XPR1: variants seen among roughly 807,000 people sequenced by gnomAD.
The protein encoded by XPR1 is xenotropic and polytropic retrovirus receptor 1.
In XPR1, 28 loss-of-function variants were observed where a neutral mutation model predicts 87.5. The observed-to-expected ratio is 0.32, with a 90% CI of 0.24 to 0.44. The LOEUF (loss-of-function observed/expected upper bound fraction) is 0.44, where lower values mean the gene tolerates loss of function less well. XPR1 is among the 20% of genes least tolerant of loss of function. The pLI, the probability that XPR1 is intolerant of heterozygous loss-of-function variation, is 1.00. For missense variants in XPR1, 559 were observed against 862.3 expected (o/e 0.65, Z 4.41); for synonymous variants, 300 against 306.1 (o/e 0.98, Z 0.21).
intron 2 of XPR1, among the ~76,000 whole-genome samples, chr1:180,707,677 A>G (rs1000671686): frequency 1.3e-5 from 2 of 152,080 alleles, no homozygotes; most frequent in Non-Finnish European, 2.9e-5. Context: ...CTTTACTGCA[A>G]CTCTCCAGAA....
chr1:180,861,446 C>T (rs537545216), intron 11 of XPR1, among the ~76,000 whole-genome samples: 1 of 152,084 alleles, frequency 6.6e-6, no homozygotes, highest in East Asian at 1.9e-4. Context: ...CAGCTAGACC[C>T]TATATCTGCA....
At chr1:180,750,175 A>G (rs1179407061) in intron 2 of XPR1, among the ~76,000 whole-genome samples, 1 of 151,904 alleles carries the variant, frequency 6.6e-6, no homozygotes, top group Non-Finnish European at 1.5e-5. Flanking sequence ...CTCCTTTCTC[A>G]TGTTAATAAG....
intron 13 of XPR1, among the ~76,000 whole-genome samples, chr1:180,875,081 A>C (rs958247550): frequency 2.0e-5 from 3 of 152,206 alleles, no homozygotes; most frequent in African/African-American, 7.2e-5. Context: ...TTAACCTTAC[A>C]CTGTGCCATA....
chr1:180,694,722 TTA>T (rs2101961717), intron 2 of XPR1, among the ~76,000 whole-genome samples: 1 of 151,966 alleles, frequency 6.6e-6, no homozygotes, highest in East Asian at 1.9e-4. Flanking sequence ...GCTTTAACCA[TTA>T]TCAGTGAAGG....
chr1:180,798,645 T>C (rs1649674107), intron 3 of XPR1, among the ~76,000 whole-genome samples: 2 of 152,146 alleles, frequency 1.3e-5, no homozygotes, highest in African/African-American at 4.8e-5. Context: ...ACAGTCTCAC[T>C]CTGTCACCCA....
At chr1:180,827,382 G>A (rs1009016689) in intron 9 of XPR1, among the ~76,000 whole-genome samples, 1 of 152,096 alleles carries the variant, frequency 6.6e-6, no homozygotes, top group African/African-American at 2.4e-5. Context: ...ATATAGTTGT[G>A]TACATTGTGT....
Position 180,803,445 on chromosome 1 carries a change from C to T in XPR1, c.281C>T (p.Ser94Leu). ...FATLQNELQS[S>L]LDAQKESTGV... ...ACACTTCAGAATGAGCTTCAGTCAT[C>T]ACTGGATGCACAGAAAGAAAGCACT... Residue 94 changes from serine (S) to leucine (L), a missense_variant, in exon 4 of 15, where the codon TCA (serine) becomes TTA (leucine). Ser to Leu is a moderately radical substitution (Grantham distance 145). Coordinates refer to ENST00000367590, the MANE Select transcript of XPR1 (RefSeq NM_004736.4). The T allele has an allele frequency of 1.2e-6, 2 of 1,614,078 alleles. No homozygotes were observed. The highest frequency in any genetic ancestry group is 1.7e-6 in the Non-Finnish European group (2 of 1,179,994).
At chr1:180,744,841 C>T (rs1463354428) in intron 2 of XPR1, among the ~76,000 whole-genome samples, 4 of 151,368 alleles carry the variant, frequency 2.6e-5, no homozygotes, top group African/African-American at 7.3e-5. Context: ...TTAGTAGAGA[C>T]GGGGTTTCAC....
intron 3 of XPR1, among the ~76,000 whole-genome samples, chr1:180,796,416 C>A (rs77432874): frequency 0.024 from 3,591 of 152,248 alleles, 63 homozygotes; most frequent in Middle Eastern, 0.085. Flanking sequence ...CCCCTACCCC[C>A]ACCTACGGAT....
intron 11 of XPR1, among the ~76,000 whole-genome samples, chr1:180,853,689 T>G (rs904268722): frequency 2.5e-4 from 37 of 150,816 alleles, no homozygotes; most frequent in Non-Finnish European, 5.0e-4. Flanking sequence ...AATTATCCTT[T>G]GGATTGAGAA....
chr1:180,721,221 C>CA (rs113624114), intron 2 of XPR1, among the ~76,000 whole-genome samples: 1,447 of 107,690 alleles, frequency 0.013, 13 homozygotes, highest in Middle Eastern at 0.022. Flanking sequence ...AACTCTGTCT[C>CA]AAAAAAAAAA....
intron 6 of XPR1, among the ~76,000 whole-genome samples, chr1:180,809,065 C>T (rs3013634): frequency 0.26 from 39,925 of 151,920 alleles, 5,715 homozygotes; most frequent in East Asian, 0.55. Context: ...TACAATGAAA[C>T]ACTACTTAGC....
chr1:180,712,909 TC>T (rs1657850884), intron 2 of XPR1, among the ~76,000 whole-genome samples: 1 of 150,822 alleles, frequency 6.6e-6, no homozygotes, highest in Non-Finnish European at 1.5e-5. Flanking sequence ...AGTCTTGAAA[TC>T]AATTAGCATT....
intron 2 of XPR1, among the ~76,000 whole-genome samples, chr1:180,762,035 A>T (rs1428483216): frequency 2.0e-5 from 3 of 147,078 alleles, no homozygotes; most frequent in Non-Finnish European, 4.5e-5. Context: ...AAAACCAAAC[A>T]CCGCATGTTC....
intron 1 of XPR1, among the ~76,000 whole-genome samples, chr1:180,650,410 A>G (rs949236190): frequency 6.6e-6 from 1 of 152,108 alleles, no homozygotes; most frequent in Non-Finnish European, 1.5e-5. Flanking sequence ...TCCCCACACA[A>G]TTTTGATTGA....
chr1:180,851,462 A>G (rs1003885641), intron 11 of XPR1, among the ~76,000 whole-genome samples: 1 of 152,248 alleles, frequency 6.6e-6, no homozygotes, highest in African/African-American at 2.4e-5. Context: ...CAATTTATAC[A>G]GAATTATAAA....
At chr1:180,798,915 G>A (rs918978250) in intron 3 of XPR1, among the ~76,000 whole-genome samples, 2 of 152,150 alleles carry the variant, frequency 1.3e-5, no homozygotes, top group African/African-American at 4.8e-5. Flanking sequence ...TGCCCGGCCT[G>A]TTGTAGTTTT....
intron 2 of XPR1, among the ~76,000 whole-genome samples, chr1:180,786,079 A>G (rs1388279224): frequency 1.3e-5 from 2 of 152,000 alleles, no homozygotes; most frequent in African/African-American, 4.8e-5. Flanking sequence ...TAAAGTGGCC[A>G]TCCTGTTTTA....
At chr1:180,819,579 A>G (rs969664855) in intron 7 of XPR1, among the ~76,000 whole-genome samples, 12 of 152,150 alleles carry the variant, frequency 7.9e-5, no homozygotes, top group Non-Finnish European at 1.5e-4. Context: ...ACAGAATACT[A>G]CTGTTGCTAG....
Sources: gnomAD v4.1 joint callset for allele counts (sites outside exome capture counted in the v4.1 genomes callset) on GRCh38, gnomAD v4.1.1 for gene constraint, MANE v1.5 for transcripts, NCBI Gene and HGNC (gene_info 2026-07-23, HGNC 2026-07-21) for gene names.